Variants in CNOT1 observed in about 807,000 individuals in gnomAD.
CNOT1 encodes CCR4-NOT transcription complex subunit 1.
CNOT1 carries 15 observed loss-of-function variants against 273.8 expected under a neutral mutation model. That is an observed-to-expected ratio of 0.05 (90% CI 0.04 to 0.08). The LOEUF (loss-of-function observed/expected upper bound fraction) is 0.08, where lower values mean the gene tolerates loss of function less well. CNOT1 is among the 10% of genes least tolerant of loss of function. The probability of loss-of-function intolerance (pLI) is 1.00; values close to 1 mark genes in which losing one functional copy is unlikely to be tolerated. For synonymous variants in CNOT1, 1,022 were observed against 1,005.5 expected (o/e 1.02, Z -0.31); for missense variants, 1,644 against 2,912.2 (o/e 0.56, Z 10.02).
intron 12 of CNOT1, among the ~76,000 whole-genome samples, chr16:58,579,521 TATACACTA>T (rs1230402704): frequency 1.3e-5 from 2 of 152,100 alleles, no homozygotes; most frequent in African/African-American, 4.8e-5. Context: ...AACACTACTA[TATACACTA>T]GACTCATAAG....
Position 58,526,150 on chromosome 16 carries a change from A to C in CNOT1, c.6454-12T>G, listed in dbSNP as rs1015048778. 2 of 1,613,474 alleles carry C rather than the reference A, an allele frequency of 1.2e-6. No individual in the cohort carries two copies. The highest frequency in any genetic ancestry group is 1.7e-6 in the Non-Finnish European group (2 of 1,179,626). ...CTCAACATGTCCACCTGCCACAGAT[A>C]AAATGCAAGAATCACAAGCAGAATC... On this transcript the variant is annotated splice_polypyrimidine_tract_variant and intron_variant, in intron 44 of 48. Transcript: ENST00000317147.
At chr16:58,621,295 CAG>C (rs553883358) in intron 1 of CNOT1, among the ~76,000 whole-genome samples, 41 of 151,982 alleles carry the variant, frequency 2.7e-4, no homozygotes, top group Non-Finnish European at 5.6e-4. Flanking sequence ...TTTTTTGAGA[CAG>C]AGTTTTGCTC....
rs565805707 is a variant in CNOT1 at position 58,560,014 on chromosome 16, T to C, written c.2130+198A>G. Reference sequence around the variant, plus strand: ...AATAAATTGTCTGTATATTTCCTCTTAGAGTCACGTTCTATTTGATGATAA... The same window carrying C: ...AATAAATTGTCTGTATATTTCCTCTCAGAGTCACGTTCTATTTGATGATAA... On this transcript the variant is annotated intron_variant, in intron 17 of 48. Transcript: ENST00000317147. The C allele has an allele frequency of 2.7e-5, 39 of 1,418,520 alleles. No homozygotes were observed. The African/African-American group carries it at 4.3e-4, about 16-fold the overall frequency. The allele number at this position is 1,418,520 out of a possible 1,614,324, so 87.9% of individuals were successfully genotyped here.
intron 29 of CNOT1, 82 bp from the exon 30 acceptor site, chr16:58,545,573 T>A: frequency 6.4e-7 from 1 of 1,572,714 alleles, no homozygotes; most frequent in Middle Eastern, 1.9e-4. Flanking sequence ...CATTAAGTGG[T>A]CATTATCTAA....
chr16:58,580,897 T>C, intron 11 of CNOT1, 137 bp from the exon 12 acceptor site: 3 of 869,834 alleles, frequency 3.4e-6, no homozygotes, highest in Admixed American at 3.3e-5. Context: ...TTATTTGCCC[T>C]TTGAAAACCA....
At chr16:58,554,233 G>T (rs1323200369) in intron 21 of CNOT1, among the ~76,000 whole-genome samples, 1 of 151,436 alleles carries the variant, frequency 6.6e-6, no homozygotes, top group South Asian at 2.1e-4. Flanking sequence ...CTACTGAAAC[G>T]TAGTAACGTA....
At chr16:58,557,521 T>C (rs1195687844) in intron 18 of CNOT1, among the ~76,000 whole-genome samples, 1 of 152,116 alleles carries the variant, frequency 6.6e-6, no homozygotes, top group African/African-American at 2.4e-5. Flanking sequence ...CTAACTAGAT[T>C]AGAGTCAATG....
At chr16:58,535,088 C>CT (rs2039885184) in intron 39 of CNOT1, among the ~76,000 whole-genome samples, 1 of 152,032 alleles carries the variant, frequency 6.6e-6, no homozygotes, top group African/African-American at 2.4e-5. Context: ...CCCCTCAACC[C>CT]TTTAAACAAA....
chr16:58,549,644 A>G, intron 25 of CNOT1, 75 bp downstream of exon 25: 1 of 1,508,134 alleles, frequency 6.6e-7, no homozygotes, highest in Non-Finnish European at 8.8e-7. Flanking sequence ...AAAAATAGCA[A>G]AAATCCTACC....
intron 47 of CNOT1, among the ~76,000 whole-genome samples, chr16:58,521,966 TTAAATAAA>T (rs775690820): frequency 6.6e-6 from 1 of 150,442 alleles, no homozygotes; most frequent in African/African-American, 2.5e-5. Context: ...AACAGATAAA[TTAAATAAA>T]TAAATAAGCT....
chr16:58,603,840 A>G (rs1427734303), intron 1 of CNOT1, among the ~76,000 whole-genome samples: 1 of 152,104 alleles, frequency 6.6e-6, no homozygotes, highest in Non-Finnish European at 1.5e-5. Context: ...CCCCTGCCCC[A>G]TGCATTTTTC....
chr16:58,618,290 T>C (rs1259573822), intron 1 of CNOT1, among the ~76,000 whole-genome samples: 1 of 151,506 alleles, frequency 6.6e-6, no homozygotes, highest in Non-Finnish European at 1.5e-5. Flanking sequence ...AAAAATTAAT[T>C]AAAAAGAGTT....
At chr16:58,577,556 G>A (rs887762717) in intron 13 of CNOT1, among the ~76,000 whole-genome samples, 5 of 152,134 alleles carry the variant, frequency 3.3e-5, no homozygotes, top group East Asian at 1.9e-4. Flanking sequence ...CCAAGTATGG[G>A]TAAAGGATAA....
At chr16:58,537,476 G>C (rs1022942941) in intron 38 of CNOT1, among the ~76,000 whole-genome samples, 2 of 152,192 alleles carry the variant, frequency 1.3e-5, no homozygotes, top group African/African-American at 4.8e-5. Flanking sequence ...CTGATGTTCA[G>C]AGTCGACAAA....
intron 16 of CNOT1, among the ~76,000 whole-genome samples, chr16:58,566,407 A>G (rs926515449): frequency 6.6e-6 from 1 of 152,244 alleles, no homozygotes; most frequent in Non-Finnish European, 1.5e-5. Flanking sequence ...TAGATCAATT[A>G]AAGAAATTAA....
intron 16 of CNOT1, among the ~76,000 whole-genome samples, chr16:58,566,968 C>A (rs574300685): frequency 1.6e-4 from 24 of 152,022 alleles, no homozygotes; most frequent in Non-Finnish European, 2.6e-4. Context: ...GTATTAGAGG[C>A]ACGTTTCTCT....
chr16:58,535,040 T>C (rs1452896245), intron 39 of CNOT1, among the ~76,000 whole-genome samples: 1 of 152,154 alleles, frequency 6.6e-6, no homozygotes, highest in Non-Finnish European at 1.5e-5. Context: ...ACATATGAAC[T>C]AGAAGTGAAG....
At chr16:58,620,558 C>T (rs897534880) in intron 1 of CNOT1, among the ~76,000 whole-genome samples, 4 of 148,446 alleles carry the variant, frequency 2.7e-5, no homozygotes, top group Non-Finnish European at 4.4e-5. Flanking sequence ...GCAGGAGAAT[C>T]GCTTGAACCC....
intron 16 of CNOT1, among the ~76,000 whole-genome samples, chr16:58,572,306 C>A (rs1298428172): frequency 1.3e-5 from 2 of 151,148 alleles, no homozygotes; most frequent in African/African-American, 4.9e-5. Context: ...AAATTGAATA[C>A]TTCTGTACTC....
Sources: allele counts gnomAD v4.1 joint callset (sites outside exome capture counted in the v4.1 genomes callset), GRCh38; gene constraint gnomAD v4.1.1; transcripts MANE v1.5; gene names NCBI Gene and HGNC (gene_info 2026-07-23, HGNC 2026-07-21).